STK31: variants seen among roughly 807,000 people sequenced by gnomAD.
STK31 encodes the protein serine/threonine-protein kinase 31.
Under a neutral mutation model 129.7 loss-of-function variants are expected in STK31, and 89 were observed. The observed-to-expected ratio is 0.69, with a 90% CI of 0.58 to 0.82. The LOEUF is 0.82. Ranked by LOEUF, STK31 falls within the 40% of genes least tolerant of loss-of-function variation. STK31 has a pLI of 0.00. For synonymous variants in STK31, 448 were observed against 395.3 expected, an observed-to-expected ratio of 1.13 and a Z score of -1.58; for missense variants, 1,187 against 1,176.4, an observed-to-expected ratio of 1.01 and a Z score of -0.13.
Position 23,787,995 on chromosome 7 carries a change from A to G in STK31, c.2503A>G (p.Met835Val). 6.3e-7 allele frequency: 1 copy of G among 1,574,898 alleles called. No homozygotes were observed. Among genetic ancestry groups the G allele is most frequent in the Non-Finnish European group, 8.6e-7 (1 of 1,162,804 alleles). ...PLNSEETLKV[M>V]KGVAQGLHTL... is the part of the protein sequence containing the mutation. ...TTATCTATAGGAAACTTTAAAGGTC[A>G]TGAAAGGTGTTGCCCAGGGTCTGCA... Residue 835 changes from methionine (M) to valine (V), a missense_variant, in exon 21 of 24, where the codon ATG (methionine) becomes GTG (valine). By Grantham distance (21) the Met-to-Val change is conservative (BLOSUM62 1). This residue lies in a region of STK31 where 975 missense variants were observed against 934.9 expected (regional missense o/e 1.04). Coordinates refer to ENST00000355870, the MANE Select transcript of STK31 (RefSeq NM_031414.5).
At chr7:23,798,732 A>G (rs547506276) in intron 22 of STK31, among the ~76,000 whole-genome samples, 9 of 152,286 alleles carry the variant, frequency 5.9e-5, no homozygotes, top group East Asian at 1.9e-4. Context: ...TTAACATACT[A>G]TTGCAAGTTC....
At chr7:23,777,681 T>A (rs1329223623) in intron 15 of STK31, among the ~76,000 whole-genome samples, 2 of 152,144 alleles carry the variant, frequency 1.3e-5, no homozygotes, top group Non-Finnish European at 2.9e-5. Context: ...GCTTTCCATC[T>A]GCTTGGTAAA....
chr7:23,715,275 T>C (rs1786234375), intron 3 of STK31, among the ~76,000 whole-genome samples: 1 of 151,908 alleles, frequency 6.6e-6, no homozygotes, highest in Non-Finnish European at 1.5e-5. Context: ...ATTGGATGAG[T>C]GGCAGCTGAA....
In STK31 at chr7:23,788,135, A is replaced by G; in HGVS notation, c.2637+6A>G. On this transcript the variant is annotated splice_donor_region_variant and intron_variant, in intron 21 of 23. Coordinates refer to ENST00000355870, the MANE Select transcript of STK31 (RefSeq NM_031414.5). ...TTGACTTCACCAAATCTGTGGTAAG[A>G]TATCATGGTTTTACAAATAGGTTCT... 1.9e-6 allele frequency: 3 copies of G among 1,605,352 alleles called. No individual in the cohort carries two copies. Among genetic ancestry groups the G allele is most frequent in the Non-Finnish European group, 2.5e-6 (3 of 1,176,610 alleles).
At chr7:23,809,269 T>C (rs537156336) in intron 22 of STK31, among the ~76,000 whole-genome samples, 1 of 152,154 alleles carries the variant, frequency 6.6e-6, no homozygotes, top group South Asian at 2.1e-4. Context: ...ATTACTTTAA[T>C]TGAGCCCTTG....
At chr7:23,723,672 G>C (rs1294372456) in intron 4 of STK31, among the ~76,000 whole-genome samples, 1 of 152,156 alleles carries the variant, frequency 6.6e-6, no homozygotes, top group African/African-American at 2.4e-5. Context: ...AGGGTCATAG[G>C]CTATGAATAG....
chr7:23,829,234 A>G (rs1045990385), intron 23 of STK31, among the ~76,000 whole-genome samples: 5 of 151,972 alleles, frequency 3.3e-5, no homozygotes, highest in Non-Finnish European at 7.4e-5. Context: ...TCTTTTCCCC[A>G]TTTAGTAATG....
chr7:23,743,008 A>G (rs966913410), intron 8 of STK31, among the ~76,000 whole-genome samples: 2 of 148,366 alleles, frequency 1.3e-5, no homozygotes, highest in African/African-American at 5.0e-5. Context: ...GCTGGAGTGC[A>G]ATGGCACGGT....
chr7:23,827,647 G>A (rs533100716), intron 23 of STK31, among the ~76,000 whole-genome samples: 5 of 152,288 alleles, frequency 3.3e-5, no homozygotes, highest in Admixed American at 6.5e-5. Flanking sequence ...GAGGAGCTGC[G>A]TTCCTTTGTC....
Position 23,754,862 on chromosome 7 carries a change from G to T in STK31, c.1293+388G>T, listed in dbSNP as rs539642699. Among the ~76,000 whole-genome samples the T allele has an allele frequency of 1.2e-4, 18 of 152,318 alleles. 1 individual carries two copies. Among genetic ancestry groups the T allele is most frequent in the African/African-American group, 4.3e-4 (18 of 41,570 alleles). ...TTTTATGGCTGCATAGTATTCCATG[G>T]TGTATATGTACCACATTTTCTTTAT... is the stretch of plus-strand genomic sequence containing the variant. On this transcript the variant is annotated intron_variant, in intron 10 of 23. Coordinates refer to ENST00000355870, the MANE Select transcript of STK31 (RefSeq NM_031414.5).
chr7:23,804,206 C>T (rs892245654), intron 22 of STK31, among the ~76,000 whole-genome samples: 2 of 152,186 alleles, frequency 1.3e-5, no homozygotes, highest in Non-Finnish European at 2.9e-5. Flanking sequence ...GCATGAACTA[C>T]CACGTCTGTC....
intron 4 of STK31, among the ~76,000 whole-genome samples, chr7:23,724,228 T>G (rs1480241887): frequency 6.6e-6 from 1 of 152,164 alleles, no homozygotes; most frequent in Non-Finnish European, 1.5e-5. Flanking sequence ...CCTGGGAACT[T>G]CATACATTGT....
intron 23 of STK31, among the ~76,000 whole-genome samples, chr7:23,827,756 G>A (rs1345888103): frequency 5.3e-5 from 8 of 152,058 alleles, no homozygotes; most frequent in African/African-American, 1.7e-4. Context: ...TGATGGTGAC[G>A]TACAGATGGG....
At chr7:23,763,755 AAATGTTTTCATTTTCT>A (rs1004428982) in intron 11 of STK31, among the ~76,000 whole-genome samples, 1 of 111,424 alleles carries the variant, frequency 9.0e-6, no homozygotes, top group African/African-American at 3.4e-5. Context: ...TTTTCATTTG[AAATGTTTTCATTTTCT>A]AATGTTTTCA....
intron 13 of STK31, among the ~76,000 whole-genome samples, chr7:23,770,208 A>C: frequency 6.6e-6 from 1 of 152,190 alleles, no homozygotes; most frequent in African/African-American, 2.4e-5. Flanking sequence ...TTACAGTGTC[A>C]AGGTAAAAAT....
At chr7:23,725,246 C>T (rs1005767992) in intron 4 of STK31, among the ~76,000 whole-genome samples, 6 of 151,808 alleles carry the variant, frequency 4.0e-5, no homozygotes, top group African/African-American at 1.5e-4. Flanking sequence ...TGATTTAAAG[C>T]TGTTAAGGCC....
chr7:23,793,619 A>G (rs1791775029), intron 22 of STK31, among the ~76,000 whole-genome samples: 1 of 152,236 alleles, frequency 6.6e-6, no homozygotes, highest in Non-Finnish European at 1.5e-5. Flanking sequence ...CATGGCATGT[A>G]AGCATGTGAA....
chr7:23,815,315 T>A, intron 23 of STK31, 103 bp downstream of exon 23: 2 of 813,514 alleles, frequency 2.5e-6, no homozygotes, highest in Non-Finnish European at 3.7e-6. Context: ...GAATCCAAAT[T>A]AACATTTGCA....
At chr7:23,727,376 T>G (rs1199963507) in intron 5 of STK31, 61 bp downstream of exon 5, 59 of 1,482,550 alleles carry the variant, frequency 4.0e-5, no homozygotes, top group Non-Finnish European at 2.3e-5. Flanking sequence ...GGTTCAAAAA[T>G]TTGATGCTTA....
Sources: allele counts gnomAD v4.1 joint callset (sites outside exome capture counted in the v4.1 genomes callset), GRCh38; gene constraint gnomAD v4.1.1; regional missense constraint gnomAD v4.1.1; transcripts MANE v1.5; gene names NCBI Gene and HGNC (gene_info 2026-07-23, HGNC 2026-07-21).